The following RAB19 variants were observed in gnomAD, a reference collection of about 807,000 sequenced individuals.
The protein encoded by RAB19 is RAB19, member RAS oncogene family.
A neutral mutation model predicts 17.3 loss-of-function variants in RAB19; 21 were observed. The observed-to-expected ratio is 1.21, with a 90% CI of 0.86 to 1.74. The LOEUF is 1.74. Among genes scored for constraint, RAB19 ranks in the 40% most tolerant of loss-of-function variants. RAB19 has a pLI of 0.00. For missense variants in RAB19, 277 were observed against 286.8 expected, an observed-to-expected ratio of 0.97 and a Z score of 0.25; for synonymous variants, 126 against 110.4, an observed-to-expected ratio of 1.14 and a Z score of -0.88.
At chr7:140,411,687 G>A in intron 2 of RAB19, 187 bp from the exon 3 acceptor site, 1 of 1,365,996 alleles carries the variant, frequency 7.3e-7, no homozygotes, top group Non-Finnish European at 9.7e-7. Flanking sequence ...CCCCAACCAA[G>A]GAGGATATCC....
At chr7:140,410,307 A>ATTTTT (rs1799330888) in intron 2 of RAB19, among the ~76,000 whole-genome samples, 1 of 55,042 alleles carries the variant, frequency 1.8e-5, no homozygotes, top group Non-Finnish European at 3.5e-5. Context: ...TAATTTTTGT[A>ATTTTT]TTTTTCTTTT....
intron 3 of RAB19, among the ~76,000 whole-genome samples, chr7:140,421,059 A>AT (rs1799554071): frequency 1.3e-5 from 2 of 151,094 alleles, no homozygotes. Flanking sequence ...CACCCAGCTA[A>AT]TTTTCGTATT....
At chr7:140,419,235 A>G (rs550239053) in intron 3 of RAB19, among the ~76,000 whole-genome samples, 1 of 151,916 alleles carries the variant, frequency 6.6e-6, no homozygotes, top group African/African-American at 2.4e-5. Context: ...ACGCCCAGCT[A>G]ATTTTTGTAT....
In RAB19 at chr7:140,420,192, A is replaced by AGG. The variant is rs1333135618; in HGVS notation, c.386-5689_386-5688dup. Among the ~76,000 whole-genome samples, 7 of 152,106 alleles carry AGG rather than the reference A, an allele frequency of 4.6e-5. No homozygotes were observed. In the East Asian group the frequency reaches 1.4e-3, roughly 30 times the overall value. On this transcript the variant is annotated intron_variant, in intron 3 of 3. Coordinates refer to ENST00000537763, the MANE Select transcript of RAB19 (RefSeq NM_001008749.3). ...TCCCAGCACTTTGGGAGGCCGAGGC[A>AGG]GGTGGATCACCTGAGGTCAGGAGTT...
At chr7:140,416,968 G>A (rs1221800295) in intron 3 of RAB19, among the ~76,000 whole-genome samples, 1 of 151,776 alleles carries the variant, frequency 6.6e-6, no homozygotes, top group Non-Finnish European at 1.5e-5. Context: ...ACTCACACCT[G>A]TAATCCCAGC....
chr7:140,417,399 C>A (rs544292947), intron 3 of RAB19, among the ~76,000 whole-genome samples: 54 of 104,766 alleles, frequency 5.2e-4, no homozygotes, highest in African/African-American at 2.0e-3. Context: ...GAGACCCTAT[C>A]TCTTAAAAAA....
intron 3 of RAB19, among the ~76,000 whole-genome samples, chr7:140,421,991 TA>T (rs1799569826): frequency 6.6e-6 from 1 of 152,228 alleles, no homozygotes. Context: ...CTCTGCCTTT[TA>T]CATTTAGATC....
chr7:140,425,711 T>G (rs2130173559), intron 3 of RAB19, among the ~76,000 whole-genome samples, 171 bp from the exon 4 acceptor site: 1 of 145,500 alleles, frequency 6.9e-6, no homozygotes, highest in South Asian at 2.1e-4. Context: ...GCGACAAGAG[T>G]GAAACTCCAT....
chr7:140,414,176 C>A (rs1167534988), intron 3 of RAB19, among the ~76,000 whole-genome samples: 1 of 152,186 alleles, frequency 6.6e-6, no homozygotes, highest in African/African-American at 2.4e-5. Flanking sequence ...TCCCAAGTAG[C>A]TGGGATTACA....
At chr7:140,416,347 C>G (rs997285254) in intron 3 of RAB19, among the ~76,000 whole-genome samples, 1 of 150,984 alleles carries the variant, frequency 6.6e-6, no homozygotes, top group African/African-American at 2.4e-5. Flanking sequence ...ATCAATCAAT[C>G]AAACAAAAAA....
At chr7:140,421,690 G>C (rs2074757942) in intron 3 of RAB19, among the ~76,000 whole-genome samples, 1 of 151,940 alleles carries the variant, frequency 6.6e-6, no homozygotes, top group African/African-American at 2.4e-5. Context: ...TGTAGAGATG[G>C]GGTCTTGCTG....
chr7:140,420,705 G>A (rs754632481), intron 3 of RAB19, among the ~76,000 whole-genome samples: 22 of 152,044 alleles, frequency 1.4e-4, no homozygotes, highest in Admixed American at 3.9e-4. Flanking sequence ...CCACTAGGGC[G>A]CTGCACTAGG....
rs922108923 is a variant in RAB19 at position 140,426,628 on chromosome 7, C to G, written c.*478C>G. 6.6e-6 allele frequency among the ~76,000 whole-genome samples: 1 copy of G among 152,122 alleles called. No individual in the cohort carries two copies. The highest frequency in any genetic ancestry group is 2.4e-5 in the African/African-American group (1 of 41,430). ...GGAACGAAAGCCTGCAATGAGAAACCAGAATGCTGCTATCATTTTGTTCCT... is the reference window on the plus strand; with the variant it reads ...GGAACGAAAGCCTGCAATGAGAAACGAGAATGCTGCTATCATTTTGTTCCT... On this transcript the variant is annotated 3_prime_UTR_variant, in exon 4 of 4. Transcript: ENST00000537763.
chr7:140,426,120 T>A lies in RAB19; in HGVS notation c.624T>A (p.Gly208=). The change falls in exon 4 of 4, where the codon GGT becomes GGA. Residue 208 remains glycine (G), a synonymous_variant. Transcript: ENST00000537763. ...CCAGCCCCGTTCTTATGGCCCAGGG[T>A]CCAAGTGAAAAGACCCACTGCACTT... ...LDSSPVLMAQ[G]PSEKTHCTC 1 of 1,613,912 alleles carries A rather than the reference T, an allele frequency of 6.2e-7. No individual in the cohort carries two copies.
Position 140,426,294 on chromosome 7 carries a change from C to A in RAB19, c.*144C>A. 1 of 887,446 alleles carries A rather than the reference C, an allele frequency of 1.1e-6. No homozygotes were observed. Among genetic ancestry groups the A allele is most frequent in the Non-Finnish European group, 1.7e-6 (1 of 598,228 alleles). 55.0% of individuals were successfully genotyped at this position (887,446 alleles called of 1,614,324 possible). A position where few individuals can be genotyped will look rare whatever the true frequency, so the allele number is the denominator to read the frequency against. Reference sequence around the variant, plus strand: ...CCCTAATCCTCCCAGTCTGGATGGGCCACACTTCTCCCTTGACTCACACCA... The same window carrying A: ...CCCTAATCCTCCCAGTCTGGATGGGACACACTTCTCCCTTGACTCACACCA... On this transcript the variant is annotated 3_prime_UTR_variant, in exon 4 of 4. Transcript: ENST00000537763.
At position 140,407,725 on chromosome 7, in the gene RAB19, A is replaced by T; in HGVS notation, c.79A>T (p.Asn27Tyr). ...CAAGATTATCCTCATTGGGGATTCCAATGTGGGGAAGACGTGTGTGGTGCA... is the reference window on the plus strand; with the variant it reads ...CAAGATTATCCTCATTGGGGATTCCTATGTGGGGAAGACGTGTGTGGTGCA... The part of the protein sequence containing the change: ...LFKIILIGDS[N>Y]VGKTCVVQHF... The change falls in exon 2 of 4, where the codon AAT becomes TAT. Residue 27 changes from asparagine to tyrosine, a missense_variant. Physicochemically the swap from Asn to Tyr is moderately radical, Grantham distance 143 (BLOSUM62 -2). Coordinates refer to ENST00000537763, the MANE Select transcript of RAB19 (RefSeq NM_001008749.3). 6.2e-7 allele frequency: 1 copy of T among 1,614,062 alleles called. No individual in the cohort carries two copies. The highest frequency in any genetic ancestry group is 8.5e-7 in the Non-Finnish European group (1 of 1,180,010).
intron 1 of RAB19, among the ~76,000 whole-genome samples, chr7:140,405,991 C>T (rs372531650): frequency 6.6e-6 from 1 of 151,692 alleles, no homozygotes; most frequent in South Asian, 2.1e-4. Context: ...GCCTGTAATC[C>T]CAACACTTTG....
rs1242167237 is a variant in RAB19, at chr7:140,426,920, C to T, written c.*770C>T. On this transcript the variant is annotated 3_prime_UTR_variant, in exon 4 of 4. Transcript: ENST00000537763. Reference sequence around the variant, plus strand: ...ATAGTGGTGGGATCTTGGCTCACTGCAACCTCTACCTCCTGGGTTCAAGAG... The same window carrying T: ...ATAGTGGTGGGATCTTGGCTCACTGTAACCTCTACCTCCTGGGTTCAAGAG... 2.0e-5 allele frequency among the ~76,000 whole-genome samples: 3 copies of T among 149,230 alleles called. No homozygotes were observed. The highest frequency in any genetic ancestry group is 7.5e-5 in the African/African-American group (3 of 40,060).
At position 140,426,344 on chromosome 7, in the gene RAB19, G is replaced by A; in HGVS notation, c.*194G>A. On this transcript the variant is annotated 3_prime_UTR_variant, in exon 4 of 4. Coordinates refer to ENST00000537763, the MANE Select transcript of RAB19 (RefSeq NM_001008749.3). ...ACAGGTCATAGCTGCTGACTCTCAGGAAAACCAGCACCATTGTTTTCACTG... is the reference window on the plus strand; with the variant it reads ...ACAGGTCATAGCTGCTGACTCTCAGAAAAACCAGCACCATTGTTTTCACTG... The A allele has an allele frequency of 3.3e-6, 2 of 604,188 alleles. No individual in the cohort carries two copies. The highest frequency in any genetic ancestry group is 5.6e-6 in the Non-Finnish European group (2 of 357,966). The allele number at this position is 604,188 out of a possible 1,614,324, so 37.4% of individuals were successfully genotyped here.
Sources: gnomAD v4.1 joint callset for allele counts (sites outside exome capture counted in the v4.1 genomes callset) on GRCh38, gnomAD v4.1.1 for gene constraint, MANE v1.5 for transcripts, NCBI Gene and HGNC (gene_info 2026-07-23, HGNC 2026-07-21) for gene names.